Variants in PLAUR observed in about 807,000 individuals in gnomAD.
PLAUR encodes the protein plasminogen activator, urokinase receptor.
In PLAUR, 22 loss-of-function variants were observed where a neutral mutation model predicts 33.4. That is an observed-to-expected ratio of 0.66 (90% confidence interval 0.47 to 0.94). The LOEUF (loss-of-function observed/expected upper bound fraction) is 0.94. PLAUR is among the 40% of genes least tolerant of loss of function. The pLI is 0.00. For synonymous variants in PLAUR, 148 were observed against 167.3 expected (o/e 0.88, Z 0.89); for missense variants, 408 against 434.7 (o/e 0.94, Z 0.55).
chr19:43,652,106 T>C, intron 6 of PLAUR, 119 bp downstream of exon 6: 6 of 1,527,240 alleles, frequency 3.9e-6, no homozygotes, highest in Non-Finnish European at 5.3e-6. Context: ...CTGAAGGAAA[T>C]CCCACCTTTT....
chr19:43,649,682 AAGGG>A (rs1265333503), intron 6 of PLAUR, among the ~76,000 whole-genome samples: 1 of 150,394 alleles, frequency 6.6e-6, no homozygotes, highest in African/African-American at 2.4e-5. Flanking sequence ...AGAAGGAAGG[AAGGG>A]AGGAAGGAAG....
chr19:43,667,431 T>C, intron 2 of PLAUR, 150 bp downstream of exon 2: 1 of 633,402 alleles, frequency 1.6e-6, no homozygotes, highest in Non-Finnish European at 2.8e-6. Context: ...GTCAGATTTT[T>C]AAATGCTTGC....
In PLAUR at chr19:43,648,801, G is replaced by A; in HGVS notation, c.*89C>T. The A allele has an allele frequency of 3.6e-6, 5 of 1,394,264 alleles. No homozygotes were observed. The South Asian group carries it at 6.6e-5, about 18-fold the overall frequency. 86.4% of individuals were successfully genotyped at this position (1,394,264 alleles called of 1,614,324 possible). ...AGAGAGGTCGGCACACTGGCCTGAG[G>A]TCACACAGCAAGTCTGTAGGGCTGG... is the stretch of plus-strand genomic sequence containing the variant. On this transcript the variant is annotated 3_prime_UTR_variant, in exon 7 of 7. Coordinates refer to ENST00000340093, the MANE Select transcript of PLAUR (RefSeq NM_002659.4).
At chr19:43,666,021 C>G (rs564133362) in intron 2 of PLAUR, among the ~76,000 whole-genome samples, 1 of 151,762 alleles carries the variant, frequency 6.6e-6, no homozygotes, top group Non-Finnish European at 1.5e-5. Flanking sequence ...CTATCCCTCC[C>G]CCACACCCTC....
rs1321947557 is a variant in PLAUR, at chr19:43,665,330, T to C, written c.296A>G (p.Asn99Ser). The stretch of plus-strand genomic sequence containing the variant: ...GCCCTACTCACCAGAGTTGCCCTGG[T>C]TGCACAAGTCTAACCCACACACAAC... ...TEVVCGLDLCNQGNSGRAVTY... is the reference protein window; with the variant it reads ...TEVVCGLDLCSQGNSGRAVTY... The change falls in exon 3 of 7, where the codon AAC (asparagine) becomes AGC (serine). Residue 99 changes from asparagine to serine, a missense_variant. Coordinates refer to ENST00000340093, the MANE Select transcript of PLAUR (RefSeq NM_002659.4). 1.2e-6 allele frequency: 2 copies of C among 1,613,888 alleles called. No homozygotes were observed. Among genetic ancestry groups the C allele is most frequent in the African/African-American group, 2.7e-5 (2 of 74,860 alleles).
In PLAUR at chr19:43,665,450, T is replaced by A. The variant is rs146937073; in HGVS notation, c.176A>T (p.Glu59Val). 1.6e-4 allele frequency: 253 copies of A among 1,612,922 alleles called. No individual in the cohort carries two copies. The highest frequency in any genetic ancestry group is 2.0e-4 in the Non-Finnish European group (232 of 1,179,860). ...ACAGCTTTTCTCCACCAGCTCCAGCTCTTCTCCTTCTGCAAGGAGGGGATC... is the reference window on the plus strand; with the variant it reads ...ACAGCTTTTCTCCACCAGCTCCAGCACTTCTCCTTCTGCAAGGAGGGGATC... Reference protein sequence around the residue: ...TIVRLWEEGEELELVEKSCTH... With the variant: ...TIVRLWEEGEVLELVEKSCTH... The change falls in exon 3 of 7, where the codon GAG becomes GTG. Residue 59 changes from glutamate to valine, a missense_variant. Glu to Val is a moderately radical substitution (Grantham distance 121). Transcript: ENST00000340093.
At chr19:43,656,696 A>G in intron 3 of PLAUR, 56 bp from the exon 4 acceptor site, 1 of 1,423,656 alleles carries the variant, frequency 7.0e-7, no homozygotes, top group Non-Finnish European at 9.5e-7. Context: ...CTGGAGCCCC[A>G]GCTCTGCAAG....
chr19:43,656,224 G>T (rs1225860368), intron 4 of PLAUR, among the ~76,000 whole-genome samples: 1 of 139,078 alleles, frequency 7.2e-6, no homozygotes, highest in African/African-American at 2.8e-5. Flanking sequence ...TTGCACTCCA[G>T]CCTGGGTGAC....
At position 43,648,969 on chromosome 19, in the gene PLAUR, G is replaced by C. The variant is rs914421373; in HGVS notation, c.929C>G (p.Pro310Arg). The change falls in exon 7 of 7, where the codon CCT (proline) becomes CGT (arginine). Residue 310 changes from proline (P) to arginine (R), a missense_variant. Physicochemically the swap from Pro to Arg is moderately radical, Grantham distance 103. Coordinates refer to ENST00000340093, the MANE Select transcript of PLAUR (RefSeq NM_002659.4). Reference protein sequence around the residue: ...VQYRSGAAPQPGPAHLSLTIT... With the variant: ...VQYRSGAAPQRGPAHLSLTIT... The stretch of plus-strand genomic sequence containing the variant: ...GGTGAGGCTGAGATGGGCAGGGCCA[G>C]GCTGAGGAGCAGCCCCACTGCGGTA... 6 of 1,614,166 alleles carry C rather than the reference G, an allele frequency of 3.7e-6. No individual in the cohort carries two copies. Among genetic ancestry groups the C allele is most frequent in the Non-Finnish European group, 5.1e-6 (6 of 1,180,000 alleles).
chr19:43,651,823 A>G, intron 6 of PLAUR: 1 of 1,011,030 alleles, frequency 9.9e-7, no homozygotes, highest in Non-Finnish European at 1.2e-6. Context: ...ACACCACAGG[A>G]TGAAAGCCCA....
intron 4 of PLAUR, among the ~76,000 whole-genome samples, chr19:43,656,129 T>C (rs545039009): frequency 3.3e-5 from 5 of 152,140 alleles, no homozygotes; most frequent in African/African-American, 9.6e-5. Flanking sequence ...GATGCACACC[T>C]GTAATCCCAG....
rs1462190800 is a variant in PLAUR, at chr19:43,665,305, G to GC, written c.310+10dup. ...CTTGGGGTTGGGGATGGCAAGGGCT[G>GC]CCCTACTCACCAGAGTTGCCCTGGT... On this transcript the variant is annotated intron_variant, in intron 3 of 6. Coordinates refer to ENST00000340093, the MANE Select transcript of PLAUR (RefSeq NM_002659.4). 1.5e-5 allele frequency: 24 copies of GC among 1,613,594 alleles called. No individual in the cohort carries two copies. The highest frequency in any genetic ancestry group is 2.0e-5 in the Non-Finnish European group (24 of 1,179,684).
intron 6 of PLAUR, among the ~76,000 whole-genome samples, chr19:43,649,577 G>A (rs62114102): frequency 0.066 from 9,671 of 145,456 alleles, 430 homozygotes; most frequent in Non-Finnish European, 0.1. Flanking sequence ...AGGAAGGGAG[G>A]GAGGGAGGGA....
intron 5 of PLAUR, among the ~76,000 whole-genome samples, chr19:43,654,056 G>A (rs1450610392): frequency 2.0e-5 from 3 of 151,884 alleles, no homozygotes; most frequent in Non-Finnish European, 4.4e-5. Context: ...CCCGGGAGGC[G>A]GAGCTTGCAG....
intron 1 of PLAUR, among the ~76,000 whole-genome samples, chr19:43,668,962 A>G (rs895406036): frequency 6.6e-6 from 1 of 151,324 alleles, no homozygotes; most frequent in Admixed American, 6.6e-5. Flanking sequence ...CCGAGATTGC[A>G]GCCCAGTCCC....
At chr19:43,646,846 TC>T (rs1973833832), downstream of PLAUR, among the ~76,000 whole-genome samples, 1 of 149,130 alleles carries the variant, frequency 6.7e-6, no homozygotes, top group African/African-American at 2.5e-5. Flanking sequence ...AGTGGTGTGA[TC>T]TTGGCTCACT....
At chr19:43,666,864 C>T (rs940240862) in intron 2 of PLAUR, among the ~76,000 whole-genome samples, 74 of 149,400 alleles carry the variant, frequency 5.0e-4, no homozygotes, top group African/African-American at 1.6e-3. Context: ...CCACCATGCC[C>T]GGCCCACCTT....
chr19:43,659,714 A>G (rs938031838), intron 3 of PLAUR, among the ~76,000 whole-genome samples: 2 of 152,158 alleles, frequency 1.3e-5, no homozygotes, highest in Non-Finnish European at 2.9e-5. Flanking sequence ...GGCCCCATCC[A>G]GTCCCCGGGG....
At position 43,658,292 on chromosome 19, in the gene PLAUR, G is replaced by A. The variant is rs558340757; in HGVS notation, c.311-1652C>T. Among the ~76,000 whole-genome samples, 11 of 152,290 alleles carry A rather than the reference G, an allele frequency of 7.2e-5. No individual in the cohort carries two copies. In the South Asian group the frequency reaches 2.3e-3, roughly 32 times the overall value. ...GGAGGGGAGCATTCATGTGAGTGAA[G>A]CTACCTTAGGAGCCTTCAGATGACT... On this transcript the variant is annotated intron_variant, in intron 3 of 6. Transcript: ENST00000340093.
Sources: allele counts gnomAD v4.1 joint callset (sites outside exome capture counted in the v4.1 genomes callset), GRCh38; gene constraint gnomAD v4.1.1; transcripts MANE v1.5; gene names NCBI Gene and HGNC (gene_info 2026-07-23, HGNC 2026-07-21).